Variants in CFAP54 observed in about 807,000 individuals in gnomAD.
The protein encoded by CFAP54 is cilia- and flagella-associated protein 54.
A neutral mutation model predicts 370.4 loss-of-function variants in CFAP54; 290 were observed. The ratio of observed to expected loss-of-function variants is 0.78; its 90% CI spans 0.71 to 0.86. The LOEUF (loss-of-function observed/expected upper bound fraction) is 0.86. Among genes scored for constraint, CFAP54 ranks in the 40% least tolerant of loss-of-function variants. The probability of loss-of-function intolerance (pLI) is 0.00; values close to 1 mark genes in which losing one functional copy is unlikely to be tolerated. For missense variants in CFAP54, 3,399 were observed against 3,528.7 expected, an observed-to-expected ratio of 0.96 and a Z score of 0.93; for synonymous variants, 1,206 against 1,236.5, an observed-to-expected ratio of 0.98 and a Z score of 0.52.
intron 5 of CFAP54, among the ~76,000 whole-genome samples, chr12:96,516,585 T>C (rs1425951400): frequency 6.6e-6 from 1 of 152,212 alleles, no homozygotes; most frequent in Non-Finnish European, 1.5e-5. Flanking sequence ...TGAAACCTCT[T>C]TCCCTGAAGA....
At chr12:96,670,979 A>AT (rs370840487) in intron 39 of CFAP54, among the ~76,000 whole-genome samples, 92 of 151,998 alleles carry the variant, frequency 6.1e-4, no homozygotes, top group African/African-American at 2.0e-3. Flanking sequence ...TTCAGTATTT[A>AT]TTTTTTTATT....
chr12:96,818,014 C>T (rs1458787526), intron 65 of CFAP54, 101 bp downstream of exon 65: 3 of 880,862 alleles, frequency 3.4e-6, no homozygotes, highest in South Asian at 5.9e-5. Context: ...ATTCTTCTGC[C>T]TCTAGTTTAT....
At chr12:96,616,264 A>G (rs192469485) in intron 26 of CFAP54, among the ~76,000 whole-genome samples, 6 of 152,322 alleles carry the variant, frequency 3.9e-5, no homozygotes, top group Non-Finnish European at 1.5e-5. Context: ...TCCCAAAGAC[A>G]AAAAACCAAA....
chr12:96,560,316 T>A (rs1298587882), intron 17 of CFAP54, among the ~76,000 whole-genome samples: 2 of 152,198 alleles, frequency 1.3e-5, no homozygotes, highest in Non-Finnish European at 2.9e-5. Context: ...ATCATTCGAC[T>A]CTCTACCTCC....
At chr12:96,812,920 TCTC>T (rs1448189675) in intron 64 of CFAP54, among the ~76,000 whole-genome samples, 1 of 152,142 alleles carries the variant, frequency 6.6e-6, no homozygotes, top group Non-Finnish European at 1.5e-5. Flanking sequence ...CCTCCACTCC[TCTC>T]CTCTTTATTT....
chr12:96,515,525 G>T (rs61940395), intron 5 of CFAP54, among the ~76,000 whole-genome samples: 40,585 of 152,112 alleles, frequency 0.27, 5,732 homozygotes, highest in South Asian at 0.38. Context: ...AAATGGATTT[G>T]ATGGGTCCAT....
intron 66 of CFAP54, among the ~76,000 whole-genome samples, chr12:96,850,275 C>T (rs1355530248): frequency 6.6e-6 from 1 of 151,284 alleles, no homozygotes; most frequent in Non-Finnish European, 1.5e-5. Flanking sequence ...ACAATGGCCT[C>T]CCAGGAGGTG....
intron 48 of CFAP54, among the ~76,000 whole-genome samples, chr12:96,710,830 T>A (rs11835308): frequency 0.27 from 40,850 of 151,944 alleles, 5,828 homozygotes; most frequent in African/African-American, 0.34. Context: ...CAGCTAAGTT[T>A]TTGTATTTTT....
intron 50 of CFAP54, among the ~76,000 whole-genome samples, chr12:96,725,785 C>G (rs1428246258): frequency 1.3e-5 from 2 of 152,064 alleles, no homozygotes. Context: ...TAGTTTTTGC[C>G]CATTCAGTAT....
At chr12:96,694,061 C>A (rs1022456914) in intron 45 of CFAP54, among the ~76,000 whole-genome samples, 1 of 152,220 alleles carries the variant, frequency 6.6e-6, no homozygotes. Context: ...CCAACACCAA[C>A]TGGCCTGGAA....
intron 15 of CFAP54, among the ~76,000 whole-genome samples, chr12:96,549,109 C>T (rs1198428550): frequency 6.6e-6 from 1 of 152,208 alleles, no homozygotes; most frequent in Admixed American, 6.5e-5. Flanking sequence ...CCACCTCGGC[C>T]TCCCAAAGTG....
chr12:96,665,632 T>G (rs939246591), intron 39 of CFAP54, among the ~76,000 whole-genome samples: 15 of 152,228 alleles, frequency 9.9e-5, no homozygotes, highest in African/African-American at 3.1e-4. Flanking sequence ...TAGTTTTAGA[T>G]GTGCAGTCTT....
intron 26 of CFAP54, 50 bp downstream of exon 26, chr12:96,598,817 G>A: frequency 2.3e-6 from 1 of 443,228 alleles, no homozygotes; most frequent in Non-Finnish European, 4.0e-6. Flanking sequence ...GAGCGATGAT[G>A]ATTTGGAAAG....
intron 26 of CFAP54, among the ~76,000 whole-genome samples, chr12:96,613,632 A>G (rs1956384096): frequency 6.6e-6 from 1 of 152,214 alleles, no homozygotes; most frequent in Non-Finnish European, 1.5e-5. Flanking sequence ...CAAGACTAAT[A>G]AAGAAGAAAA....
At chr12:96,647,851 AAT>A (rs1204419030) in intron 33 of CFAP54, 22 bp from the exon 34 acceptor site, 1 of 1,478,996 alleles carries the variant, frequency 6.8e-7, no homozygotes, top group South Asian at 1.4e-5. Flanking sequence ...ATTGTTTTTT[AAT>A]ATGATTTTTC....
intron 50 of CFAP54, among the ~76,000 whole-genome samples, chr12:96,725,215 AGTCATTGGTAGCTT>A (rs1162099254): frequency 6.6e-6 from 1 of 151,584 alleles, no homozygotes; most frequent in Non-Finnish European, 1.5e-5. Flanking sequence ...CTGTGAAGAA[AGTCATTGGTAGCTT>A]GATGGGGATG....
intron 66 of CFAP54, 38 bp downstream of exon 66, chr12:96,829,126 C>T (rs1347003033): frequency 1.7e-6 from 2 of 1,157,168 alleles, no homozygotes; most frequent in African/African-American, 1.5e-5. Flanking sequence ...CTAATTCACT[C>T]ACAAGTATTA....
At chr12:96,742,125 C>T (rs1541591) in intron 51 of CFAP54, among the ~76,000 whole-genome samples, 131,030 of 152,250 alleles carry the variant, frequency 0.86, 56,787 homozygotes, top group African/African-American at 0.96. Context: ...TTTAATGACA[C>T]AGAAACTGCT....
intron 67 of CFAP54, among the ~76,000 whole-genome samples, chr12:96,862,518 A>G (rs1438985603): frequency 6.6e-6 from 1 of 152,170 alleles, no homozygotes; most frequent in Non-Finnish European, 1.5e-5. Flanking sequence ...AAATATTGGA[A>G]GAATGAAAGG....
Sources: gnomAD v4.1 joint callset for allele counts (sites outside exome capture counted in the v4.1 genomes callset) on GRCh38, gnomAD v4.1.1 for gene constraint, MANE v1.5 for transcripts, NCBI Gene and HGNC (gene_info 2026-07-23, HGNC 2026-07-21) for gene names.